The following ZNF774 variants were observed in gnomAD, a reference collection of about 807,000 sequenced individuals.
ZNF774 encodes the protein zinc finger protein 774.
ZNF774 carries 14 observed loss-of-function variants against 11.1 expected under a neutral mutation model. The ratio of observed to expected loss-of-function variants is 1.26; its 90% CI spans 0.83 to 1.97. The LOEUF is 1.97. ZNF774 is among the 30% of genes most tolerant of loss of function. The pLI, the probability that ZNF774 is intolerant of heterozygous loss-of-function variation, is 0.00. For synonymous variants in ZNF774, 195 were observed against 212.6 expected (o/e 0.92, Z 0.72); for missense variants, 599 against 587.0 (o/e 1.02, Z -0.21).
intron 1 of ZNF774, 29 bp downstream of exon 1, chr15:90,352,440 C>G (rs1281039693): frequency 6.6e-6 from 1 of 152,426 alleles, no homozygotes; most frequent in Admixed American, 6.5e-5. Flanking sequence ...GAGACCGCGG[C>G]GGCAGCGGCG....
At chr15:90,355,773 G>A (rs1964237431) in intron 2 of ZNF774, among the ~76,000 whole-genome samples, 1 of 143,652 alleles carries the variant, frequency 7.0e-6, no homozygotes, top group African/African-American at 2.6e-5. Flanking sequence ...GCTCATGCCT[G>A]TAATCCCAGC....
chr15:90,360,772 C>G lies in ZNF774; in HGVS notation c.941C>G (p.Thr314Arg), dbSNP rs760990088. ...SDLIKHQRTHTGERPFKCPEC... is the reference protein window; with the variant it reads ...SDLIKHQRTHRGERPFKCPEC... Reference sequence around the variant, plus strand: ...TTGATTAAGCACCAACGAACCCACACGGGAGAACGGCCCTTCAAATGCCCG... The same window carrying G: ...TTGATTAAGCACCAACGAACCCACAGGGGAGAACGGCCCTTCAAATGCCCG... Residue 314 changes from threonine to arginine, a missense_variant, in exon 4 of 4, where the codon ACG becomes AGG. Thr to Arg is a moderately conservative substitution (Grantham distance 71). Coordinates refer to ENST00000354377, the MANE Select transcript of ZNF774 (RefSeq NM_001004309.3). 4 of 1,614,176 alleles carry G rather than the reference C, an allele frequency of 2.5e-6. No individual in the cohort carries two copies. The highest frequency in any genetic ancestry group is 1.7e-5 in the Admixed American group (1 of 60,026).
In ZNF774 at chr15:90,360,364, C is replaced by T. The variant is rs774128453; in HGVS notation, c.533C>T (p.Pro178Leu). The T allele has an allele frequency of 1.2e-5, 19 of 1,614,014 alleles. No homozygotes were observed. In the Middle Eastern group the frequency reaches 6.6e-4, roughly 56 times the overall value. ...RHLRTHTGER[P>L]YTCIECGKGF... ...CTAAGAACCCACACTGGCGAGAGGC[C>T]CTATACGTGCATTGAGTGTGGGAAA... is the stretch of plus-strand genomic sequence containing the variant. The change falls in exon 4 of 4, where the codon CCC becomes CTC. Residue 178 changes from proline to leucine, a missense_variant. Pro to Leu is a moderately conservative substitution (Grantham distance 98). Coordinates refer to ENST00000354377, the MANE Select transcript of ZNF774 (RefSeq NM_001004309.3).
chr15:90,353,425 AGTGTGTGTGTGTGTGTGTGT>A (rs56080142), intron 1 of ZNF774, among the ~76,000 whole-genome samples: 1 of 139,354 alleles, frequency 7.2e-6, no homozygotes, highest in Non-Finnish European at 1.6e-5. Flanking sequence ...TTCCCCCAAA[AGTGTGTGTGTGTGTGTGTGT>A]GTGTGTGTGT....
rs1469536323 is a variant in ZNF774 at position 90,360,535 on chromosome 15, A to G, written c.704A>G (p.Tyr235Cys). Residue 235 changes from tyrosine (Y) to cysteine (C), a missense_variant, in exon 4 of 4, where the codon TAT becomes TGT. Physicochemically the swap from Tyr to Cys is radical, Grantham distance 194. Coordinates refer to ENST00000354377, the MANE Select transcript of ZNF774 (RefSeq NM_001004309.3). Reference sequence around the variant, plus strand: ...AGAACCCACACAGGGGAGAGACCCTATGAGTGCCCAGAGTGTGGAAAGACT... The same window carrying G: ...AGAACCCACACAGGGGAGAGACCCTGTGAGTGCCCAGAGTGTGGAAAGACT... ...HQRTHTGERP[Y>C]ECPECGKTFG... 3.7e-6 allele frequency: 6 copies of G among 1,613,546 alleles called. No homozygotes were observed. Among genetic ancestry groups the G allele is most frequent in the African/African-American group, 2.7e-5 (2 of 74,784 alleles).
intron 1 of ZNF774, among the ~76,000 whole-genome samples, chr15:90,353,618 A>C (rs1459106907): frequency 6.7e-6 from 1 of 149,586 alleles, no homozygotes; most frequent in Non-Finnish European, 1.5e-5. Context: ...TAAGGGAGAG[A>C]CAGGGGCTCA....
intron 2 of ZNF774, among the ~76,000 whole-genome samples, chr15:90,357,042 A>G (rs1479956556): frequency 6.7e-6 from 1 of 149,598 alleles, no homozygotes; most frequent in Non-Finnish European, 1.5e-5. Context: ...TCATTTTCTT[A>G]GAATTCTCAG....
rs1266411089 is a variant in ZNF774 at position 90,360,825 on chromosome 15, T to G, written c.994T>G (p.Ser332Ala). The change falls in exon 4 of 4, where the codon TCT becomes GCT. Residue 332 changes from serine (S) to alanine (A), a missense_variant. Physicochemically the swap from Ser to Ala is moderately conservative, Grantham distance 99. Transcript: ENST00000354377. ...GTGCGGGAAGGGCTTCAGAGATAGT[T>G]CTCATTTTGTAGCTCACATGAGCAC... ...PECGKGFRDS[S>A]HFVAHMSTHS... 6.2e-7 allele frequency: 1 copy of G among 1,613,936 alleles called. No individual in the cohort carries two copies. The highest frequency in any genetic ancestry group is 1.3e-5 in the African/African-American group (1 of 74,864).
In ZNF774 at chr15:90,361,165, A is replaced by G. The variant is rs758122829; in HGVS notation, c.1334A>G (p.His445Arg). Residue 445 changes from histidine to arginine, a missense_variant, in exon 4 of 4, where the codon CAT (histidine) becomes CGT (arginine). By Grantham distance (29) the His-to-Arg change is conservative. Coordinates refer to ENST00000354377, the MANE Select transcript of ZNF774 (RefSeq NM_001004309.3). Reference sequence around the variant, plus strand: ...GGCAAGACCTTCAATCAGCGTTCCCATTTCCTCACACACCAGAGAACGCAT... The same window carrying G: ...GGCAAGACCTTCAATCAGCGTTCCCGTTTCCTCACACACCAGAGAACGCAT... The part of the protein sequence containing the change: ...ECGKTFNQRS[H>R]FLTHQRTHTG... 3 of 1,614,166 alleles carry G rather than the reference A, an allele frequency of 1.9e-6. No homozygotes were observed. The highest frequency in any genetic ancestry group is 2.5e-6 in the Non-Finnish European group (3 of 1,180,034).
Position 90,361,384 on chromosome 15 carries a change from G to C in ZNF774, c.*101G>C. 6.7e-7 allele frequency: 1 copy of C among 1,500,704 alleles called. No homozygotes were observed. The highest frequency in any genetic ancestry group is 1.4e-5 in the South Asian group (1 of 72,758). 93.0% of individuals were successfully genotyped at this position (1,500,704 alleles called of 1,614,324 possible). On this transcript the variant is annotated 3_prime_UTR_variant, in exon 4 of 4. Transcript: ENST00000354377. ...AACCTGGGCGTCAGTGGCTCAATTT[G>C]GGCCCTGATCTATTCTCCCTCTTTC... is the stretch of plus-strand genomic sequence containing the variant.
chr15:90,360,009 A>T (rs1478818493), intron 3 of ZNF774, 34 bp from the exon 4 acceptor site: 2 of 1,550,030 alleles, frequency 1.3e-6, no homozygotes, highest in Non-Finnish European at 1.7e-6. Context: ...ATAACTGATA[A>T]CTTTATTCTC....
At chr15:90,354,526 C>A in intron 1 of ZNF774, 116 bp from the exon 2 acceptor site, 3 of 644,344 alleles carry the variant, frequency 4.7e-6, no homozygotes, top group African/African-American at 1.8e-5. Context: ...ACCTCAGGAC[C>A]ATTCTGGTCA....
intron 2 of ZNF774, among the ~76,000 whole-genome samples, chr15:90,357,560 A>G (rs1443513329): frequency 6.6e-6 from 1 of 152,186 alleles, no homozygotes; most frequent in African/African-American, 2.4e-5. Flanking sequence ...AAATAGCAAT[A>G]ATAGTTAACA....
chr15:90,352,531 C>A (rs1386311959), intron 1 of ZNF774, 120 bp downstream of exon 1: 1 of 152,360 alleles, frequency 6.6e-6, no homozygotes, highest in African/African-American at 2.4e-5. Context: ...CTTTGGGAGC[C>A]CCCGGGTCTT....
chr15:90,356,049 A>C (rs377030189), intron 2 of ZNF774, among the ~76,000 whole-genome samples: 8 of 150,490 alleles, frequency 5.3e-5, no homozygotes, highest in South Asian at 2.1e-4. Context: ...AATAAATAAA[A>C]AAAACCAAAA....
At position 90,361,344 on chromosome 15, in the gene ZNF774, A is replaced by G. The variant is rs966897023; in HGVS notation, c.*61A>G. On this transcript the variant is annotated 3_prime_UTR_variant, in exon 4 of 4. Transcript: ENST00000354377. ...ATTTTCATTGCTACTGTCTTCAAGC[A>G]CCCCAAATAGAGAAAACCTGGGCGT... The G allele has an allele frequency of 2.0e-6, 3 of 1,519,680 alleles. No individual in the cohort carries two copies. The highest frequency in any genetic ancestry group is 2.6e-6 in the Non-Finnish European group (3 of 1,140,458). The allele number at this position is 1,519,680 out of a possible 1,614,324, so 94.1% of individuals were successfully genotyped here. A position where few individuals can be genotyped will look rare whatever the true frequency, so the allele number is the denominator to read the frequency against.
intron 1 of ZNF774, among the ~76,000 whole-genome samples, chr15:90,353,034 C>G (rs1185111440): frequency 6.6e-6 from 1 of 151,872 alleles, no homozygotes. Flanking sequence ...ATGGCGCTAT[C>G]TCCTTTCACT....
At chr15:90,355,340 C>G (rs762619576) in intron 2 of ZNF774, 1 of 456,036 alleles carries the variant, frequency 2.2e-6, no homozygotes, top group Non-Finnish European at 4.4e-6. Flanking sequence ...ATTACTATCC[C>G]CCTTTTCCAG....
Position 90,361,282 on chromosome 15 carries a change from A to G in ZNF774, c.1451A>G (p.Ter484TrpextTer47), listed in dbSNP as rs780583413. The G allele has an allele frequency of 1.3e-6, 2 of 1,594,160 alleles. No individual in the cohort carries two copies. The highest frequency in any genetic ancestry group is 1.7e-6 in the Non-Finnish European group (2 of 1,168,884). ...TGCCATCAAAACACCCATTTGATTT[A>G]GGAAGTAGTCTTTGGTGTTCAGCTG... Reference protein sequence around the residue: ...LLCHQNTHLI* With the variant: ...LLCHQNTHLIW The change falls in exon 4 of 4, where the codon TAG (stop) becomes TGG (tryptophan). Residue 484 changes from the stop codon to tryptophan (W), a stop_lost. Coordinates refer to ENST00000354377, the MANE Select transcript of ZNF774 (RefSeq NM_001004309.3).
Sources: allele counts gnomAD v4.1 joint callset (sites outside exome capture counted in the v4.1 genomes callset), GRCh38; gene constraint gnomAD v4.1.1; transcripts MANE v1.5; gene names NCBI Gene and HGNC (gene_info 2026-07-23, HGNC 2026-07-21).